The following TAS2R1 variants were observed in gnomAD, a reference collection of about 807,000 sequenced individuals.
The protein encoded by TAS2R1 is taste receptor type 2 member 1.
For missense variants in TAS2R1, 370 were observed against 353.4 expected, an observed-to-expected ratio of 1.05 and a Z score of -0.38; for synonymous variants, 141 against 134.2, an observed-to-expected ratio of 1.05 and a Z score of -0.35.
intron 2 of TAS2R1, among the ~76,000 whole-genome samples, chr5:9,651,074 G>A (rs1158090177): frequency 6.6e-6 from 1 of 152,146 alleles, no homozygotes; most frequent in Admixed American, 6.5e-5. Context: ...TCTTCTACCT[G>A]CTTCTGACAG....
the TAS2R1 span, among the ~76,000 whole-genome samples, chr5:9,757,238 C>T: frequency 5.9e-5 from 9 of 152,240 alleles, no homozygotes; most frequent in Admixed American, 5.9e-4. Flanking sequence ...TTTTACTGAG[C>T]TCTTTCATAG....
chr5:9,824,733 G>C, the TAS2R1 span, among the ~76,000 whole-genome samples: 1 of 151,534 alleles, frequency 6.6e-6, no homozygotes, highest in Non-Finnish European at 1.5e-5. Context: ...TGTAATCCCA[G>C]CTACTCAGGA....
the TAS2R1 span, among the ~76,000 whole-genome samples, chr5:9,774,100 T>C: frequency 6.6e-6 from 1 of 152,338 alleles, no homozygotes; most frequent in East Asian, 1.9e-4. Flanking sequence ...GCATGCTGCA[T>C]TCTTTCTTAC....
the TAS2R1 span, among the ~76,000 whole-genome samples, chr5:9,830,290 A>C: frequency 1.3e-5 from 2 of 152,176 alleles, no homozygotes; most frequent in Admixed American, 1.3e-4. Context: ...CAGATGACAA[A>C]GAAAGATGAC....
the TAS2R1 span, among the ~76,000 whole-genome samples, chr5:9,789,527 C>A: frequency 3.9e-5 from 6 of 152,122 alleles, no homozygotes; most frequent in Non-Finnish European, 8.8e-5. Context: ...TAAGACATCA[C>A]CAATTGTAAG....
chr5:9,881,869 A>G, the TAS2R1 span, among the ~76,000 whole-genome samples: 7 of 152,252 alleles, frequency 4.6e-5, no homozygotes, highest in Non-Finnish European at 7.3e-5. Flanking sequence ...AAGATGGATT[A>G]AAGACTTAAA....
the TAS2R1 span, among the ~76,000 whole-genome samples, chr5:9,762,499 G>A: frequency 6.6e-6 from 1 of 152,184 alleles, no homozygotes; most frequent in Admixed American, 6.5e-5. Context: ...CCACAACAAA[G>A]ATGCCACGTG....
At chr5:9,658,752 T>C (rs968443243) in intron 2 of TAS2R1, 3 of 152,246 alleles carry the variant, frequency 2.0e-5, no homozygotes, top group African/African-American at 4.8e-5. Context: ...CTGTTACTTA[T>C]TCAACTCTAT....
At chr5:9,867,845 C>A in the TAS2R1 span, among the ~76,000 whole-genome samples, 1 of 152,188 alleles carries the variant, frequency 6.6e-6, no homozygotes, top group African/African-American at 2.4e-5. Flanking sequence ...AATGGGGATA[C>A]AAGCATTGGG....
chr5:9,854,516 A>G, the TAS2R1 span: 1 of 152,158 alleles, frequency 6.6e-6, no homozygotes, highest in Non-Finnish European at 1.5e-5. Context: ...CTCATCTATC[A>G]GAGTTGTAAT....
chr5:9,754,922 G>T, the TAS2R1 span, among the ~76,000 whole-genome samples: 1 of 152,180 alleles, frequency 6.6e-6, no homozygotes, highest in South Asian at 2.1e-4. Flanking sequence ...CCAAAAAAGA[G>T]CCCGCATTGC....
chr5:9,644,414 G>T (rs1345328950), intron 2 of TAS2R1, among the ~76,000 whole-genome samples: 1 of 152,092 alleles, frequency 6.6e-6, no homozygotes, highest in Non-Finnish European at 1.5e-5. Context: ...TGGCTTTGAT[G>T]GGGAGTGAGG....
upstream of TAS2R1, among the ~76,000 whole-genome samples, chr5:9,716,562 T>C (rs1413640653): frequency 2.6e-5 from 4 of 151,926 alleles, no homozygotes; most frequent in East Asian, 5.8e-4. Context: ...TATATATATA[T>C]ATGCTTACAG....
the TAS2R1 span, among the ~76,000 whole-genome samples, chr5:9,725,734 A>AGGCAGCTCCACC: frequency 1.1e-4 from 15 of 140,156 alleles, no homozygotes; most frequent in East Asian, 2.2e-3. Context: ...CGGGACTGGC[A>AGGCAGCTCCACC]GGCAGCTCCA....
the TAS2R1 span, among the ~76,000 whole-genome samples, chr5:9,865,449 G>T: frequency 1.3e-5 from 2 of 152,000 alleles, no homozygotes; most frequent in African/African-American, 4.8e-5. Flanking sequence ...CATTATTTTT[G>T]ATGTTTTTAT....
Position 9,629,385 on chromosome 5 carries a change from C to A in TAS2R1, c.648G>T (p.Arg216Ser), listed in dbSNP as rs749390768. 3 of 1,614,098 alleles carry A rather than the reference C, an allele frequency of 1.9e-6. No individual in the cohort carries two copies. The highest frequency in any genetic ancestry group is 2.5e-6 in the Non-Finnish European group (3 of 1,180,018). Reference sequence around the variant, plus strand: ...TGATGGGTGCACCCCTGCCAGGAACCCTGCTGCCGGCCACTGTGTTTCTCA... The same window carrying A: ...TGATGGGTGCACCCCTGCCAGGAACACTGCTGCCGGCCACTGTGTTTCTCA... Reference protein sequence around the residue: ...RQMRNTVAGSRVPGRGAPISA... With the variant: ...RQMRNTVAGSSVPGRGAPISA... The change falls in exon 1 of 1, where the codon AGG becomes AGT. Residue 216 changes from arginine to serine, a missense_variant. Transcript: ENST00000382492.
intron 2 of TAS2R1, among the ~76,000 whole-genome samples, chr5:9,637,742 T>C (rs867708537): frequency 7.2e-5 from 11 of 152,192 alleles, no homozygotes; most frequent in South Asian, 6.2e-4. Flanking sequence ...CAGTGCATTT[T>C]GTATTTCTCT....
intron 2 of TAS2R1, among the ~76,000 whole-genome samples, chr5:9,650,968 T>C (rs971405801): frequency 6.6e-6 from 1 of 152,202 alleles, no homozygotes; most frequent in Non-Finnish European, 1.5e-5. Context: ...TCAATGACAC[T>C]GCAGAAAGGT....
In TAS2R1 at chr5:9,664,125, C is replaced by T. The variant is rs530523023; in HGVS notation, c.-241-4544G>A. On this transcript the variant is annotated intron_variant, in intron 1 of 2. Coordinates refer to the TAS2R1 transcript ENST00000506620. ...TCCTAGGAAACTCAGCAGCCCCTATCGAACCATGCCTCCCTCATCGCCCCA... is the reference window on the plus strand; with the variant it reads ...TCCTAGGAAACTCAGCAGCCCCTATTGAACCATGCCTCCCTCATCGCCCCA... Among the ~76,000 whole-genome samples, 38 of 152,244 alleles carry T rather than the reference C, an allele frequency of 2.5e-4. No homozygotes were observed. The South Asian group carries it at 7.5e-3, about 30-fold the overall frequency.
Sources: allele counts gnomAD v4.1 joint callset (sites outside exome capture counted in the v4.1 genomes callset), GRCh38; gene constraint gnomAD v4.1.1; transcripts MANE v1.5; gene names NCBI Gene and HGNC (gene_info 2026-07-23, HGNC 2026-07-21).